CHPT1: variants seen among roughly 807,000 people sequenced by gnomAD.
CHPT1 encodes the protein choline phosphotransferase 1, also known as cholinephosphotransferase 1.
CHPT1 carries 36 observed loss-of-function variants against 47.6 expected under a neutral mutation model. The observed-to-expected ratio is 0.76, with a 90% CI of 0.58 to 1.00. CHPT1 has a LOEUF of 1.00. Ranked by LOEUF, CHPT1 falls within the 50% of genes least tolerant of loss-of-function variation. The pLI is 0.00. For missense variants in CHPT1, 458 were observed against 498.1 expected (o/e 0.92, Z 0.77); for synonymous variants, 194 against 186.3 (o/e 1.04, Z -0.33).
intron 1 of CHPT1, among the ~76,000 whole-genome samples, chr12:101,705,893 T>A (rs527286372): frequency 1.3e-5 from 2 of 150,208 alleles, no homozygotes; most frequent in East Asian, 4.1e-4. Flanking sequence ...GCCCGGCTAA[T>A]TTTTGTATTT....
At chr12:101,705,009 T>G (rs1471404939) in intron 1 of CHPT1, among the ~76,000 whole-genome samples, 2 of 91,328 alleles carry the variant, frequency 2.2e-5, no homozygotes, top group Admixed American at 2.3e-4. Flanking sequence ...CAAATGTGGG[T>G]GCAAGTAGAG....
chr12:101,700,133 A>G (rs571607353), intron 1 of CHPT1, among the ~76,000 whole-genome samples: 37 of 152,284 alleles, frequency 2.4e-4, no homozygotes, highest in African/African-American at 8.9e-4. Context: ...CAGCATTTGA[A>G]TGTTTCTGAT....
At chr12:101,723,005 GAAACC>G (rs1405977961) in intron 5 of CHPT1, among the ~76,000 whole-genome samples, 158 bp from the exon 6 acceptor site, 1 of 152,184 alleles carries the variant, frequency 6.6e-6, no homozygotes. Flanking sequence ...CAGGTTCTAT[GAAACC>G]TTGGAAAGCA....
chr12:101,721,287 CA>C (rs545113449), intron 5 of CHPT1, among the ~76,000 whole-genome samples: 51 of 139,598 alleles, frequency 3.7e-4, no homozygotes, highest in Non-Finnish European at 3.3e-4. Flanking sequence ...GACTCTGTTT[CA>C]AAAAAAAAAA....
chr12:101,722,722 A>AAG (rs893074038), intron 5 of CHPT1, among the ~76,000 whole-genome samples: 3 of 151,336 alleles, frequency 2.0e-5, no homozygotes, highest in African/African-American at 7.3e-5. Flanking sequence ...AAAAAAAAAA[A>AAG]AAAAGAAAAT....
rs757509848 is a variant in CHPT1, at chr12:101,714,234, A to C, written c.418A>C (p.Thr140Pro). The C allele has an allele frequency of 8.2e-6, 13 of 1,585,022 alleles. No homozygotes were observed. The highest frequency in any genetic ancestry group is 1.1e-5 in the Non-Finnish European group (13 of 1,170,582). Residue 140 changes from threonine (T) to proline (P), a missense_variant, in exon 2 of 9, where the codon ACA (threonine) becomes CCA (proline). Transcript: ENST00000229266. The part of the protein sequence containing the change: ...LFDHGCDSLS[T>P]VFMAVGASIA... ...TGACCATGGCTGTGACTCTCTTTCC[A>C]CAGGTAAATTAGTGGAGTTTTTTAT...
intron 8 of CHPT1, 116 bp from the exon 9 acceptor site, chr12:101,728,785 A>G: frequency 3.3e-6 from 4 of 1,200,186 alleles, no homozygotes; most frequent in Non-Finnish European, 4.7e-6. Flanking sequence ...TTGACTTAAC[A>G]GAAAGGGAGG....
At chr12:101,698,896 T>C (rs1951506978) in intron 1 of CHPT1, among the ~76,000 whole-genome samples, 1 of 152,242 alleles carries the variant, frequency 6.6e-6, no homozygotes, top group Admixed American at 6.5e-5. Flanking sequence ...CACTCCCATC[T>C]ATAGTTTATA....
At chr12:101,704,198 T>C (rs1951596592) in intron 1 of CHPT1, among the ~76,000 whole-genome samples, 1 of 141,798 alleles carries the variant, frequency 7.1e-6, no homozygotes, top group African/African-American at 3.2e-5. Context: ...TTGTTTTTGT[T>C]TTTTTTCAGT....
intron 4 of CHPT1, among the ~76,000 whole-genome samples, chr12:101,718,589 G>A (rs1214028489): frequency 6.7e-6 from 1 of 150,230 alleles, no homozygotes; most frequent in Non-Finnish European, 1.5e-5. Context: ...GAACCCAGGA[G>A]TTCAAGGCTG....
intron 7 of CHPT1, 131 bp from the exon 8 acceptor site, chr12:101,726,163 T>G (rs1488000694): frequency 1.6e-6 from 1 of 635,562 alleles, no homozygotes; most frequent in African/African-American, 1.8e-5. Context: ...TGTATTAAAG[T>G]GCTTTAAAAT....
At chr12:101,726,594 A>G in intron 8 of CHPT1, 190 bp downstream of exon 8, 1 of 685,624 alleles carries the variant, frequency 1.5e-6, no homozygotes, top group Non-Finnish European at 2.2e-6. Context: ...CCATTGTATC[A>G]TCATTTTTTA....
At chr12:101,726,499 C>T in intron 8 of CHPT1, 95 bp downstream of exon 8, 3 of 1,500,524 alleles carry the variant, frequency 2.0e-6, no homozygotes, top group Middle Eastern at 1.8e-4. Context: ...GTGCAGGAGG[C>T]TAGTATACCA....
rs1366698845 is a variant in CHPT1, at chr12:101,708,710, C to CAG, written c.274-5380_274-5379insAG. Among the ~76,000 whole-genome samples the CAG allele has an allele frequency of 4.0e-5, 5 of 124,804 alleles. 1 individual carries two copies. The highest frequency in any genetic ancestry group is 2.5e-4 in the East Asian group (1 of 4,026). The allele number at this position is 124,804 out of a possible 152,430, so 81.9% of individuals were successfully genotyped here. A position where few individuals can be genotyped will look rare whatever the true frequency, so the allele number is the denominator to read the frequency against. On this transcript the variant is annotated intron_variant, in intron 1 of 8. Coordinates refer to ENST00000229266, the MANE Select transcript of CHPT1 (RefSeq NM_020244.3). ...CTCCTGGGTTCAAGCAATTCTCGTG[C>CAG]CTCAGCCTCCTGAGTAGCTGGGATT...
rs1482495084 is a variant in CHPT1, at chr12:101,728,246, T to A, written c.1177-655T>A. On this transcript the variant is annotated intron_variant, in intron 8 of 8. Transcript: ENST00000229266. ...GCTGGGGTGACAGAGTGAGACTCCA[T>A]CTCAAAAAATAAATAAACGCAGATG... is the stretch of plus-strand genomic sequence containing the variant. 2.6e-5 allele frequency: 4 copies of A among 152,138 alleles called. No individual in the cohort carries two copies. The East Asian group carries it at 5.8e-4, about 22-fold the overall frequency. 9.4% of individuals were successfully genotyped at this position (152,138 alleles called of 1,614,324 possible). A position where few individuals can be genotyped will look rare whatever the true frequency, so the allele number is the denominator to read the frequency against.
chr12:101,720,277 C>G (rs1566042110), intron 5 of CHPT1, 23 bp downstream of exon 5: 1 of 1,571,468 alleles, frequency 6.4e-7, no homozygotes, highest in Non-Finnish European at 8.6e-7. Flanking sequence ...TTTCATCATT[C>G]AGTGTCAATT....
rs1324645275 is a variant in CHPT1 at position 101,723,201 on chromosome 12, G to C, written c.814G>C (p.Gly272Arg). Residue 272 changes from glycine (G) to arginine (R), a missense_variant, in exon 6 of 9, where the codon GGA becomes CGA. Coordinates refer to ENST00000229266, the MANE Select transcript of CHPT1 (RefSeq NM_020244.3). ...TSVLSPGLHI[G>R]LIIILAIMIY... ...TGTCTTGTCACCTGGACTCCACATAGGACTAATTATTATACTGGCAATAAT... is the reference window on the plus strand; with the variant it reads ...TGTCTTGTCACCTGGACTCCACATACGACTAATTATTATACTGGCAATAAT... 1.9e-6 allele frequency: 3 copies of C among 1,612,746 alleles called. No individual in the cohort carries two copies. The Admixed American group carries it at 5.0e-5, about 27-fold the overall frequency.
At chr12:101,704,140 A>G (rs1282661655) in intron 1 of CHPT1, among the ~76,000 whole-genome samples, 1 of 152,184 alleles carries the variant, frequency 6.6e-6, no homozygotes, top group Non-Finnish European at 1.5e-5. Flanking sequence ...CCTTCTGCAT[A>G]GATGTCAATT....
chr12:101,698,947 A>T (rs1412052134), intron 1 of CHPT1, among the ~76,000 whole-genome samples: 1 of 152,204 alleles, frequency 6.6e-6, no homozygotes, highest in Non-Finnish European at 1.5e-5. Context: ...CTGTGACATT[A>T]CTTTCTATTC....
Sources: gnomAD v4.1 joint callset for allele counts (sites outside exome capture counted in the v4.1 genomes callset) on GRCh38, gnomAD v4.1.1 for gene constraint, MANE v1.5 for transcripts, NCBI Gene and HGNC (gene_info 2026-07-23, HGNC 2026-07-21) for gene names.